Variants in RBFOX1 observed in about 807,000 individuals in gnomAD.
RBFOX1 encodes the protein RNA binding fox-1 homolog 1.
In RBFOX1, 8 loss-of-function variants were observed where a neutral mutation model predicts 57.7. The observed-to-expected ratio is 0.14, with a 90% confidence interval of 0.08 to 0.25. The LOEUF is 0.25. RBFOX1 is among the 10% of genes least tolerant of loss of function. RBFOX1 has a pLI of 1.00. For synonymous variants in RBFOX1, 326 were observed against 222.4 expected (o/e 1.47, Z -4.15); for missense variants, 611 against 548.5 (o/e 1.11, Z -1.14).
chr16:6,783,449 A>C (rs927942034), intron 3 of RBFOX1, among the ~76,000 whole-genome samples: 31 of 151,644 alleles, frequency 2.0e-4, no homozygotes, highest in African/African-American at 7.5e-4. Context: ...TGCAAAAAAA[A>C]AAAAAAATCT....
chr16:5,468,653 A>C (rs1326176788), intron 2 of RBFOX1, among the ~76,000 whole-genome samples: 1 of 152,260 alleles, frequency 6.6e-6, no homozygotes. Context: ...AATAGCTGAC[A>C]TGTCCAAATA....
chr16:6,894,522 C>G lies in RBFOX1; in HGVS notation c.-15-157535C>G, dbSNP rs950032291. Among the ~76,000 whole-genome samples, 3 of 152,180 alleles carry G rather than the reference C, an allele frequency of 2.0e-5. No homozygotes were observed. In the East Asian group the frequency reaches 5.8e-4, roughly 29 times the overall value. ...GTTTCTGTTCACACCTGCTCTCCAT[C>G]CCAACTAGAGGTACTCCCAAAGTGT... On this transcript the variant is annotated intron_variant, in intron 3 of 15. Transcript: ENST00000550418.
rs975014235 is a variant in RBFOX1 at position 6,378,127 on chromosome 16, C to T, written c.-64+61070C>T. On this transcript the variant is annotated intron_variant, in intron 2 of 15. Coordinates refer to ENST00000550418, the MANE Select transcript of RBFOX1 (RefSeq NM_018723.4). The stretch of plus-strand genomic sequence containing the variant: ...AAGATGATGGCTCATTTATCAAGAC[C>T]AGGCTGGAGGCTCAGCTACCAGAGC... 7.2e-5 allele frequency among the ~76,000 whole-genome samples: 11 copies of T among 152,354 alleles called. 1 individual carries two copies. The South Asian group carries it at 2.3e-3, about 32-fold the overall frequency.
At chr16:6,402,310 A>G (rs776960131) in intron 2 of RBFOX1, among the ~76,000 whole-genome samples, 8 of 152,346 alleles carry the variant, frequency 5.3e-5, no homozygotes, top group Non-Finnish European at 7.3e-5. Flanking sequence ...CGACCATAGT[A>G]GAGAACTGAA....
chr16:7,625,221 C>G (rs991117755), intron 10 of RBFOX1, among the ~76,000 whole-genome samples: 1 of 152,068 alleles, frequency 6.6e-6, no homozygotes, highest in Admixed American at 6.5e-5. Flanking sequence ...GGCCATTAAA[C>G]TGGGCACAGG....
chr16:6,499,228 C>T (rs1301351906), intron 2 of RBFOX1, among the ~76,000 whole-genome samples: 1 of 152,078 alleles, frequency 6.6e-6, no homozygotes, highest in African/African-American at 2.4e-5. Flanking sequence ...TTCCATTCTT[C>T]AAAATGATAT....
intron 3 of RBFOX1, among the ~76,000 whole-genome samples, chr16:6,989,251 T>A (rs983147296): frequency 6.6e-6 from 1 of 152,188 alleles, no homozygotes; most frequent in Non-Finnish European, 1.5e-5. Flanking sequence ...ATGTATTGCT[T>A]GCATTATTTT....
chr16:6,890,382 G>A (rs1252850422), intron 3 of RBFOX1, among the ~76,000 whole-genome samples: 3 of 152,168 alleles, frequency 2.0e-5, no homozygotes, highest in Non-Finnish European at 4.4e-5. Context: ...AGCTGGGCGT[G>A]GTGGTGGGCA....
chr16:7,079,096 C>T (rs1222297509), intron 4 of RBFOX1, among the ~76,000 whole-genome samples: 1 of 151,858 alleles, frequency 6.6e-6, no homozygotes, highest in Non-Finnish European at 1.5e-5. Flanking sequence ...GTGTATCTAT[C>T]CCATATGGTG....
At chr16:6,128,886 A>G (rs1472113985) in intron 1 of RBFOX1, among the ~76,000 whole-genome samples, 1 of 152,216 alleles carries the variant, frequency 6.6e-6, no homozygotes, top group Non-Finnish European at 1.5e-5. Context: ...CAGAATGCCC[A>G]TGCTGAGGAC....
chr16:5,483,469 G>T (rs1436092770), intron 2 of RBFOX1, among the ~76,000 whole-genome samples: 2 of 152,166 alleles, frequency 1.3e-5, no homozygotes, highest in African/African-American at 2.4e-5. Context: ...GAATTCTAAA[G>T]CTCCTTCCGG....
chr16:6,499,730 C>T (rs893059484), intron 2 of RBFOX1, among the ~76,000 whole-genome samples: 1 of 152,070 alleles, frequency 6.6e-6, no homozygotes, highest in Non-Finnish European at 1.5e-5. Flanking sequence ...ATTGTGCAAT[C>T]TCGTAGGGCA....
intron 1 of RBFOX1, among the ~76,000 whole-genome samples, chr16:6,081,536 T>C (rs2152508102): frequency 6.6e-6 from 1 of 152,328 alleles, no homozygotes; most frequent in Non-Finnish European, 1.5e-5. Context: ...TGCTCTCTGC[T>C]GCCCCCTGTT....
chr16:7,680,815 A>G (rs141358720), intron 14 of RBFOX1, among the ~76,000 whole-genome samples: 2 of 152,200 alleles, frequency 1.3e-5, no homozygotes, highest in Admixed American at 6.5e-5. Context: ...ATGAAAATAT[A>G]CATATATCTA....
At chr16:6,711,847 A>T (rs1010689914) in intron 3 of RBFOX1, among the ~76,000 whole-genome samples, 1 of 152,094 alleles carries the variant, frequency 6.6e-6, no homozygotes, top group Non-Finnish European at 1.5e-5. Flanking sequence ...AGGTACCCCT[A>T]GGTCTTATTC....
At chr16:7,065,572 G>GT (rs2055779432) in intron 4 of RBFOX1, among the ~76,000 whole-genome samples, 1 of 152,158 alleles carries the variant, frequency 6.6e-6, no homozygotes, top group Admixed American at 6.5e-5. Context: ...ACAGCATGGT[G>GT]TTTTAGTATG....
intron 4 of RBFOX1, among the ~76,000 whole-genome samples, chr16:7,221,868 A>G (rs1422954622): frequency 6.6e-6 from 1 of 152,214 alleles, no homozygotes; most frequent in Non-Finnish European, 1.5e-5. Flanking sequence ...TCCTGATTTA[A>G]CTTCATAAAT....
At chr16:5,734,418 A>G (rs1048094366) in intron 3 of RBFOX1, among the ~76,000 whole-genome samples, 1 of 152,196 alleles carries the variant, frequency 6.6e-6, no homozygotes, top group Non-Finnish European at 1.5e-5. Context: ...AGAGAACAAG[A>G]TTCTGCCAAA....
chr16:5,921,853 CTT>C (rs2058829492), intron 4 of RBFOX1, among the ~76,000 whole-genome samples: 1 of 151,806 alleles, frequency 6.6e-6, no homozygotes, highest in Non-Finnish European at 1.5e-5. Context: ...GAGCCAGGCT[CTT>C]TTAACAACCA....
Sources: allele counts gnomAD v4.1 joint callset (sites outside exome capture counted in the v4.1 genomes callset), GRCh38; gene constraint gnomAD v4.1.1; transcripts MANE v1.5; gene names NCBI Gene and HGNC (gene_info 2026-07-23, HGNC 2026-07-21).